Variants in KIAA0586 observed in about 807,000 individuals in gnomAD.
KIAA0586 encodes KIAA0586, also known as protein TALPID3.
KIAA0586 carries 144 observed loss-of-function variants against 169.8 expected under a neutral mutation model. The ratio of observed to expected loss-of-function variants is 0.85; its 90% confidence interval spans 0.74 to 0.97. The LOEUF (loss-of-function observed/expected upper bound fraction) is 0.97, where lower values mean the gene tolerates loss of function less well. Ranked by LOEUF, KIAA0586 falls within the 50% of genes least tolerant of loss-of-function variation. The pLI is 0.00. For synonymous variants in KIAA0586, 625 were observed against 612.4 expected (o/e 1.02, Z -0.30); for missense variants, 1,854 against 1,823.0 (o/e 1.02, Z -0.31).
intron 4 of KIAA0586, among the ~76,000 whole-genome samples, chr14:58,437,334 G>A (rs1004607982): frequency 1.3e-5 from 2 of 152,128 alleles, no homozygotes; most frequent in Admixed American, 6.6e-5. Context: ...AATCCTTGTG[G>A]GGGATAACTT....
chr14:58,486,002 TA>T (rs1384342083), intron 21 of KIAA0586, among the ~76,000 whole-genome samples: 2 of 152,176 alleles, frequency 1.3e-5, no homozygotes, highest in African/African-American at 4.8e-5. Context: ...TATTTAGGTA[TA>T]GGGGGTACAT....
At chr14:58,514,001 T>C (rs2044576905) in intron 29 of KIAA0586, among the ~76,000 whole-genome samples, 1 of 152,014 alleles carries the variant, frequency 6.6e-6, no homozygotes, top group South Asian at 2.1e-4. Flanking sequence ...TTACATCTAA[T>C]ACAAAAGGTA....
intron 18 of KIAA0586, among the ~76,000 whole-genome samples, chr14:58,473,682 G>A (rs1439544902): frequency 6.6e-6 from 1 of 152,112 alleles, no homozygotes; most frequent in Non-Finnish European, 1.5e-5. Context: ...GAGGCAGGTG[G>A]ATTACCTGAG....
Position 58,429,566 on chromosome 14 carries a change from A to G in KIAA0586, c.270+133A>G, listed in dbSNP as rs2037187905. Reference sequence around the variant, plus strand: ...TATCACTTACCAAAACAAATGTTTTATATACTACAATTGTGACTTTGAATG... The same window carrying G: ...TATCACTTACCAAAACAAATGTTTTGTATACTACAATTGTGACTTTGAATG... On this transcript the variant is annotated intron_variant, in intron 2 of 30. Transcript: ENST00000652326. 7.7e-6 allele frequency: 5 copies of G among 653,456 alleles called. No homozygotes were observed. In the South Asian group the frequency reaches 9.2e-5, roughly 12 times the overall value. The allele number at this position is 653,456 out of a possible 1,614,324, so 40.5% of individuals were successfully genotyped here. A position where few individuals can be genotyped will look rare whatever the true frequency, so the allele number is the denominator to read the frequency against.
intron 26 of KIAA0586, among the ~76,000 whole-genome samples, chr14:58,495,837 T>C (rs552854228): frequency 6.6e-6 from 1 of 152,226 alleles, no homozygotes; most frequent in South Asian, 2.1e-4. Flanking sequence ...TCATGAGAAA[T>C]TATTTTTCTA....
chr14:58,553,687 A>C (rs996790104), downstream of KIAA0586, among the ~76,000 whole-genome samples: 4 of 152,228 alleles, frequency 2.6e-5, no homozygotes, highest in South Asian at 6.2e-4. Flanking sequence ...TGGGAGTAGA[A>C]GTCCATTGGT....
At chr14:58,495,298 A>G (rs2043090309) in intron 26 of KIAA0586, among the ~76,000 whole-genome samples, 1 of 151,896 alleles carries the variant, frequency 6.6e-6, no homozygotes, top group Admixed American at 6.6e-5. Context: ...GTGTGTATAT[A>G]TATATATGTG....
chr14:58,432,226 A>G (rs1189812754), intron 3 of KIAA0586, among the ~76,000 whole-genome samples, 162 bp from the exon 4 acceptor site: 1 of 152,136 alleles, frequency 6.6e-6, no homozygotes, highest in African/African-American at 2.4e-5. Context: ...GGATTATATT[A>G]TTACTTAATC....
At position 58,487,097 on chromosome 14, in the gene KIAA0586, C is replaced by T. The variant is rs778161225; in HGVS notation, c.3235C>T (p.Pro1079Ser). 1.9e-6 allele frequency: 3 copies of T among 1,613,516 alleles called. No homozygotes were observed. The African/African-American group carries it at 4.0e-5, about 22-fold the overall frequency. The change falls in exon 22 of 31, where the codon CCA (proline) becomes TCA (serine). Residue 1079 changes from proline to serine, a missense_variant. By Grantham distance (74) the Pro-to-Ser change is moderately conservative. Transcript: ENST00000652326. ...TAAGGAGTGTGTTTTGGTAAAGACT[C>T]CAGATTCTTCTCCCTGTGATTCGGA... is the stretch of plus-strand genomic sequence containing the variant. ...PAKECVLVKT[P>S]DSSPCDSDHD...
chr14:58,536,552 C>A (rs1415770074), intron 29 of KIAA0586, among the ~76,000 whole-genome samples: 1 of 152,140 alleles, frequency 6.6e-6, no homozygotes, highest in African/African-American at 2.4e-5. Context: ...CTAACTATAA[C>A]ATGGTTTACT....
At chr14:58,556,587 C>T in the KIAA0586 span, among the ~76,000 whole-genome samples, 3 of 152,194 alleles carry the variant, frequency 2.0e-5, no homozygotes, top group Non-Finnish European at 4.4e-5. Context: ...CCTCTTCCCC[C>T]AGAAGTAACC....
chr14:58,513,250 AG>A (rs1016769999), intron 29 of KIAA0586, among the ~76,000 whole-genome samples: 2 of 152,220 alleles, frequency 1.3e-5, no homozygotes, highest in South Asian at 4.1e-4. Flanking sequence ...ATTTGGCAGT[AG>A]AAATTAAGAT....
At chr14:58,448,218 AT>A (rs1484440491) in intron 6 of KIAA0586, 121 bp from the exon 7 acceptor site, 13 of 660,434 alleles carry the variant, frequency 2.0e-5, no homozygotes, top group Non-Finnish European at 2.6e-5. Context: ...TGTAATACAT[AT>A]TTTTCATTGT....
intron 27 of KIAA0586, 107 bp downstream of exon 27, chr14:58,499,067 AAAGGGATTTT>A: frequency 1.0e-6 from 1 of 969,890 alleles, no homozygotes. Context: ...TTCTTTATTA[AAAGGGATTTT>A]AATAATTGGA....
chr14:58,434,989 A>G (rs2037698141), intron 4 of KIAA0586, among the ~76,000 whole-genome samples: 1 of 151,968 alleles, frequency 6.6e-6, no homozygotes, highest in Admixed American at 6.6e-5. Context: ...GGGTCTCACT[A>G]TATTGCCCAG....
intron 29 of KIAA0586, among the ~76,000 whole-genome samples, chr14:58,525,827 G>C (rs1372691802): frequency 6.6e-6 from 1 of 152,186 alleles, no homozygotes; most frequent in Admixed American, 6.5e-5. Context: ...GATTCTCACT[G>C]CCAGCACAGC....
the KIAA0586 span, among the ~76,000 whole-genome samples, chr14:58,560,209 G>C: frequency 6.6e-6 from 1 of 151,694 alleles, no homozygotes; most frequent in Non-Finnish European, 1.5e-5. Flanking sequence ...ACCAACAGCT[G>C]GTGGGAGGGC....
chr14:58,502,758 G>A (rs898580411), intron 27 of KIAA0586, among the ~76,000 whole-genome samples: 1 of 152,144 alleles, frequency 6.6e-6, no homozygotes, highest in African/African-American at 2.4e-5. Flanking sequence ...ACTATCAACA[G>A]TTGACTAAAA....
downstream of KIAA0586, among the ~76,000 whole-genome samples, chr14:58,551,548 A>G (rs1595573071): frequency 6.6e-6 from 1 of 152,050 alleles, no homozygotes; most frequent in African/African-American, 2.4e-5. Flanking sequence ...GGTCATCTGA[A>G]GTCAGGAGTT....
Sources: allele counts gnomAD v4.1 joint callset (sites outside exome capture counted in the v4.1 genomes callset), GRCh38; gene constraint gnomAD v4.1.1; transcripts MANE v1.5; gene names NCBI Gene and HGNC (gene_info 2026-07-23, HGNC 2026-07-21).